AFF3: variants seen among roughly 807,000 people sequenced by gnomAD.
The protein encoded by AFF3 is AF4/FMR2 family member 3.
AFF3 carries 32 observed loss-of-function variants against 129.7 expected under a neutral mutation model. The ratio of observed to expected loss-of-function variants is 0.25; its 90% CI spans 0.19 to 0.33. The LOEUF is 0.33. AFF3 is among the 10% of genes least tolerant of loss of function. AFF3 has a pLI of 1.00. For missense variants in AFF3, 1,373 were observed against 1,592.0 expected (o/e 0.86, Z 2.34); for synonymous variants, 644 against 635.4 (o/e 1.01, Z -0.20).
intron 12 of AFF3, among the ~76,000 whole-genome samples, chr2:99,649,984 C>G (rs1417943066): frequency 6.6e-6 from 1 of 152,194 alleles, no homozygotes; most frequent in Non-Finnish European, 1.5e-5. Context: ...AGAGCTACTT[C>G]TCTGAAATCA....
chr2:99,582,755 T>C, intron 17 of AFF3, 43 bp downstream of exon 17: 1 of 1,602,822 alleles, frequency 6.2e-7, no homozygotes, highest in African/African-American at 1.3e-5. Flanking sequence ...GGGTGCTCAA[T>C]TTCATTTTGG....
At chr2:99,830,697 T>C (rs1300228931) in intron 8 of AFF3, among the ~76,000 whole-genome samples, 2 of 152,186 alleles carry the variant, frequency 1.3e-5, no homozygotes, top group Non-Finnish European at 2.9e-5. Flanking sequence ...ATTGTGCCAC[T>C]GTACACCAGC....
chr2:99,725,069 C>G (rs1410345564), intron 11 of AFF3, among the ~76,000 whole-genome samples: 1 of 151,956 alleles, frequency 6.6e-6, no homozygotes, highest in African/African-American at 2.4e-5. Context: ...CTCCCGGGTT[C>G]AAGTGATTCT....
chr2:99,909,028 A>G (rs953307095), intron 7 of AFF3, among the ~76,000 whole-genome samples: 5 of 152,178 alleles, frequency 3.3e-5, no homozygotes, highest in Middle Eastern at 3.2e-3. Context: ...CTATAAAGAC[A>G]CATGCACACG....
At chr2:99,711,406 A>T (rs1344666908) in intron 11 of AFF3, among the ~76,000 whole-genome samples, 4 of 152,174 alleles carry the variant, frequency 2.6e-5, no homozygotes, top group Non-Finnish European at 5.9e-5. Flanking sequence ...ATGAGACAAC[A>T]TGTCCAGTAG....
Position 100,113,444 on chromosome 2 carries a change from T to C in AFF3, c.-144-7861A>G, listed in dbSNP as rs113604581. 4.3e-3 allele frequency among the ~76,000 whole-genome samples: 654 copies of C among 152,322 alleles called. 2 individuals carry two copies. The highest frequency in any genetic ancestry group is 7.0e-3 in the Non-Finnish European group (476 of 68,018). ...AGACATGGTCTCATGAAACAGGCCA[T>C]ATACAATGTTGTTTTAATATGCTTA... On this transcript the variant is annotated intron_variant, in intron 2 of 24. Coordinates refer to ENST00000672756, the MANE Select transcript of AFF3 (RefSeq NM_001386135.1).
At chr2:99,925,424 A>T (rs1696159369) in intron 7 of AFF3, among the ~76,000 whole-genome samples, 1 of 152,178 alleles carries the variant, frequency 6.6e-6, no homozygotes, top group Non-Finnish European at 1.5e-5. Flanking sequence ...ACAGATCATG[A>T]TCTAGGAATT....
At chr2:99,953,373 T>C (rs1323723092) in intron 7 of AFF3, among the ~76,000 whole-genome samples, 1 of 152,182 alleles carries the variant, frequency 6.6e-6, no homozygotes, top group Non-Finnish European at 1.5e-5. Context: ...CAAGACACAT[T>C]TGAGAAAGCG....
intron 8 of AFF3, among the ~76,000 whole-genome samples, chr2:99,802,200 A>T (rs1685991669): frequency 1.3e-5 from 2 of 152,216 alleles, no homozygotes; most frequent in Admixed American, 1.3e-4. Flanking sequence ...TAAGCCAGTT[A>T]TTTCACATGA....
At chr2:99,887,751 G>T (rs1693225426) in intron 7 of AFF3, among the ~76,000 whole-genome samples, 1 of 152,122 alleles carries the variant, frequency 6.6e-6, no homozygotes, top group African/African-American at 2.4e-5. Context: ...TATTGCAAAA[G>T]GCATCGTGCT....
At chr2:99,751,105 T>C (rs910746579) in intron 9 of AFF3, among the ~76,000 whole-genome samples, 5 of 152,230 alleles carry the variant, frequency 3.3e-5, no homozygotes, top group Non-Finnish European at 7.3e-5. Flanking sequence ...TTTTGTTTTG[T>C]TTGTTTTTGA....
intron 8 of AFF3, among the ~76,000 whole-genome samples, chr2:99,824,778 AGGG>A (rs1195211029): frequency 6.6e-6 from 1 of 152,306 alleles, no homozygotes; most frequent in African/African-American, 2.4e-5. Flanking sequence ...GTGCTGGCAG[AGGG>A]AGGGTCTCTA....
chr2:99,672,411 A>T, intron 12 of AFF3, 127 bp downstream of exon 12: 1 of 806,980 alleles, frequency 1.2e-6, no homozygotes, highest in Non-Finnish European at 2.1e-6. Context: ...AGAAGCTCAC[A>T]CTTAGCAGAC....
intron 7 of AFF3, among the ~76,000 whole-genome samples, chr2:99,872,604 T>C (rs1216494080): frequency 8.0e-6 from 1 of 125,598 alleles, no homozygotes; most frequent in Non-Finnish European, 1.7e-5. Flanking sequence ...AAAAATAAAA[T>C]AAAATAAAAT....
chr2:99,731,046 C>T (rs1679784165), intron 10 of AFF3, among the ~76,000 whole-genome samples: 2 of 151,918 alleles, frequency 1.3e-5, no homozygotes, highest in South Asian at 2.1e-4. Flanking sequence ...CTCTGCCTCC[C>T]GGGTAATCTC....
At chr2:99,632,350 C>T (rs1431846750) in intron 13 of AFF3, among the ~76,000 whole-genome samples, 1 of 152,070 alleles carries the variant, frequency 6.6e-6, no homozygotes, top group Non-Finnish European at 1.5e-5. Flanking sequence ...AGTAGCCGTC[C>T]TAATGGGTGT....
Position 99,688,001 on chromosome 2 carries a change from C to T in AFF3, c.1092-15412G>A, listed in dbSNP as rs547174072. On this transcript the variant is annotated intron_variant, in intron 11 of 24. Coordinates refer to ENST00000672756, the MANE Select transcript of AFF3 (RefSeq NM_001386135.1). ...GGAACTACAGGTGCCCGCCACCACG[C>T]CCGGCTAATTTTTTGTATTTTTAGT... is the stretch of plus-strand genomic sequence containing the variant. Among the ~76,000 whole-genome samples, 785 of 152,260 alleles carry T rather than the reference C, an allele frequency of 5.2e-3. 2 individuals are homozygous for T. The highest frequency in any genetic ancestry group is 9.0e-3 in the Non-Finnish European group (613 of 68,022).
intron 4 of AFF3, among the ~76,000 whole-genome samples, chr2:100,103,717 C>T (rs2666310): frequency 6.6e-6 from 1 of 151,870 alleles, no homozygotes; most frequent in Admixed American, 6.6e-5. Flanking sequence ...AAGGGATACC[C>T]GGGGCGCCCG....
chr2:100,138,322 T>A (rs1692712709), intron 1 of AFF3, among the ~76,000 whole-genome samples: 1 of 152,170 alleles, frequency 6.6e-6, no homozygotes, highest in South Asian at 2.1e-4. Flanking sequence ...GACATCCCAA[T>A]ATGGGGACAA....
Sources: gnomAD v4.1 joint callset for allele counts (sites outside exome capture counted in the v4.1 genomes callset) on GRCh38, gnomAD v4.1.1 for gene constraint, MANE v1.5 for transcripts, NCBI Gene and HGNC (gene_info 2026-07-23, HGNC 2026-07-21) for gene names.